INTS6L: variants seen among roughly 807,000 people sequenced by gnomAD.
INTS6L encodes the protein integrator complex subunit 6-like.
A neutral mutation model predicts 64.7 loss-of-function variants in INTS6L; 18 were observed. The observed-to-expected ratio is 0.28, with a 90% CI of 0.19 to 0.41. INTS6L has a LOEUF of 0.41. Ranked by LOEUF, INTS6L falls within the 10% of genes least tolerant of loss-of-function variation. The pLI is 1.00. For synonymous variants in INTS6L, 227 were observed against 235.9 expected, an observed-to-expected ratio of 0.96 and a Z score of 0.34; for missense variants, 533 against 661.0, an observed-to-expected ratio of 0.81 and a Z score of 2.12.
Position 135,556,284 on chromosome X carries a change from T to C in INTS6L, c.1176T>C (p.Val392=). The C allele has an allele frequency of 4.3e-6, 5 of 1,176,406 alleles. No homozygotes were observed. Among genetic ancestry groups the C allele is most frequent in the African/African-American group, 1.8e-5 (1 of 56,191 alleles). ...TTGTGATGCCTTACAACTACCCAGT[T>C]TTACTTCCTCTTTTAGGTAAGTAAA... ...NLFVMPYNYP[V]LLPLLDDLFK... Residue 392 remains valine (V), a synonymous_variant, in exon 9 of 18, where the codon GTT becomes GTC. Coordinates refer to ENST00000639893, the MANE Select transcript of INTS6L (RefSeq NM_001351601.3).
At chrX:135,576,093 G>A (rs781846098) in intron 14 of INTS6L, among the ~76,000 whole-genome samples, 8 of 111,370 alleles carry the variant, frequency 7.2e-5, no homozygotes, top group Non-Finnish European at 1.3e-4. Flanking sequence ...CTGGGAGGCC[G>A]AGGCAGGCAA....
chrX:135,524,757 A>G (rs2085685316), intron 2 of INTS6L, among the ~76,000 whole-genome samples: 1 of 112,104 alleles, frequency 8.9e-6, no homozygotes, highest in African/African-American at 3.2e-5. Flanking sequence ...ATATGTGACT[A>G]TAGTATTTCA....
chrX:135,574,944 T>A (rs781822170), intron 13 of INTS6L, 140 bp from the exon 14 acceptor site: 1 of 576,878 alleles, frequency 1.7e-6, no homozygotes, highest in Admixed American at 3.7e-5. Flanking sequence ...TGATTCTAGA[T>A]CCTAGAATGC....
intron 2 of INTS6L, among the ~76,000 whole-genome samples, chrX:135,534,917 C>T (rs1400893475): frequency 4.5e-5 from 5 of 110,567 alleles, no homozygotes; most frequent in Non-Finnish European, 9.4e-5. Flanking sequence ...GATCCTCTCT[C>T]CTCAGCCTCC....
At chrX:135,526,671 G>A (rs2085747926) in intron 2 of INTS6L, among the ~76,000 whole-genome samples, 1 of 111,908 alleles carries the variant, frequency 8.9e-6, no homozygotes, top group African/African-American at 3.3e-5. Context: ...ATGTTATATG[G>A]GGACTATTAG....
rs782101491 is a variant in INTS6L, at chrX:135,521,258, G to A, written c.129G>A (p.Pro43=). The A allele has an allele frequency of 1.2e-5, 15 of 1,206,172 alleles. No homozygotes were observed. The highest frequency in any genetic ancestry group is 1.5e-5 in the Non-Finnish European group (13 of 893,488). ...CCCCGCAGCTGCGCGCCCGGGACCC[G>A]GCCAGCCGTGGAGACAGGTACATGC... ...ELFLKLRARD[P]ASRGDRYMLV... Residue 43 remains proline, a synonymous_variant, in exon 2 of 18, where the codon CCG becomes CCA. Coordinates refer to ENST00000639893, the MANE Select transcript of INTS6L (RefSeq NM_001351601.3).
Position 135,568,725 on chromosome X carries a change from T to A in INTS6L, c.1193-612T>A, listed in dbSNP as rs182517187. ...CTGGCTAATTTTTGTTTATTTTTTT[T>A]ATAGAGACAGGGGTCTCATTATGTT... On this transcript the variant is annotated intron_variant, in intron 9 of 17. Coordinates refer to ENST00000639893, the MANE Select transcript of INTS6L (RefSeq NM_001351601.3). Among the ~76,000 whole-genome samples, 352 of 110,008 alleles carry A rather than the reference T, an allele frequency of 3.2e-3. 1 individual carries two copies. The highest frequency in any genetic ancestry group is 6.8e-3 in the South Asian group (17 of 2,513).
chrX:135,549,554 T>G (rs1041089297), intron 6 of INTS6L, 88 bp from the exon 7 acceptor site: 2 of 1,039,562 alleles, frequency 1.9e-6, no homozygotes, highest in African/African-American at 3.8e-5. Context: ...TATTTTGGAC[T>G]TTGCTTTCAG....
intron 11 of INTS6L, chrX:135,572,595 C>T: frequency 3.3e-6 from 1 of 302,157 alleles, no homozygotes; most frequent in Non-Finnish European, 5.8e-6. Flanking sequence ...ATAATTTTGA[C>T]ACTAGACAAG....
chrX:135,580,236 A>G (rs2087337468), intron 16 of INTS6L, 74 bp downstream of exon 16: 1 of 1,109,579 alleles, frequency 9.0e-7, no homozygotes, highest in African/African-American at 1.8e-5. Context: ...TATAGATTCA[A>G]GCTATCCCTT....
At chrX:135,528,454 G>A (rs1210786508) in intron 2 of INTS6L, among the ~76,000 whole-genome samples, 5 of 111,236 alleles carry the variant, frequency 4.5e-5, no homozygotes, top group Admixed American at 1.9e-4. Flanking sequence ...TAAAGGCTCC[G>A]GCAGAGAGGG....
intron 6 of INTS6L, among the ~76,000 whole-genome samples, chrX:135,548,047 G>GTA (rs5903902): frequency 2.6e-3 from 268 of 101,369 alleles, no homozygotes; most frequent in South Asian, 0.013. Context: ...ATGTGTAAGT[G>GTA]TATATATATA....
At chrX:135,550,923 G>A (rs781901599) in intron 7 of INTS6L, among the ~76,000 whole-genome samples, 1 of 111,673 alleles carries the variant, frequency 9.0e-6, no homozygotes, top group African/African-American at 3.3e-5. Context: ...ATTTTTACCT[G>A]TTCAAATCTA....
intron 8 of INTS6L, among the ~76,000 whole-genome samples, chrX:135,553,481 ATTTTT>A (rs1162273649): frequency 3.7e-5 from 3 of 80,784 alleles, no homozygotes; most frequent in Non-Finnish European, 7.7e-5. Flanking sequence ...AATTTTTTAA[ATTTTT>A]TTTTTTTTTT....
intron 2 of INTS6L, among the ~76,000 whole-genome samples, chrX:135,544,767 T>C (rs1190119120): frequency 1.8e-5 from 2 of 112,387 alleles, no homozygotes; most frequent in Admixed American, 9.4e-5. Context: ...CTTGGATCTT[T>C]GGTTGTTTGC....
intron 2 of INTS6L, among the ~76,000 whole-genome samples, chrX:135,544,262 A>G (rs969553475): frequency 5.4e-5 from 6 of 112,118 alleles, no homozygotes; most frequent in African/African-American, 1.9e-4. Flanking sequence ...CAGGTATTTC[A>G]TAACAGGGTT....
chrX:135,544,236 T>C (rs1453599938), intron 2 of INTS6L, among the ~76,000 whole-genome samples: 2 of 111,824 alleles, frequency 1.8e-5, no homozygotes, highest in Non-Finnish European at 3.8e-5. Flanking sequence ...AGCCAACTGG[T>C]TTGCTCAAGG....
intron 2 of INTS6L, among the ~76,000 whole-genome samples, chrX:135,533,045 C>T (rs2085948927): frequency 8.9e-6 from 1 of 111,852 alleles, no homozygotes; most frequent in African/African-American, 3.3e-5. Flanking sequence ...CCACTGCAGT[C>T]CAGCCTGTGC....
At chrX:135,541,108 C>T (rs1442984486) in intron 2 of INTS6L, among the ~76,000 whole-genome samples, 1 of 111,382 alleles carries the variant, frequency 9.0e-6, no homozygotes, top group Non-Finnish European at 1.9e-5. Context: ...CTTCTGACTA[C>T]AGCTTCACTT....
Sources: gnomAD v4.1 joint callset for allele counts (sites outside exome capture counted in the v4.1 genomes callset) on GRCh38, gnomAD v4.1.1 for gene constraint, MANE v1.5 for transcripts, NCBI Gene and HGNC (gene_info 2026-07-23, HGNC 2026-07-21) for gene names.